The following PCDH9 variants were observed in gnomAD, a reference collection of about 807,000 sequenced individuals.
The protein encoded by PCDH9 is protocadherin-9.
PCDH9 carries 24 observed loss-of-function variants against 70.6 expected under a neutral mutation model. The ratio of observed to expected loss-of-function variants is 0.34; its 90% confidence interval spans 0.25 to 0.48. The LOEUF (loss-of-function observed/expected upper bound fraction) is 0.48. Ranked by LOEUF, PCDH9 falls within the 20% of genes least tolerant of loss-of-function variation. PCDH9 has a pLI of 0.99. For synonymous variants in PCDH9, 562 were observed against 558.5 expected, an observed-to-expected ratio of 1.01 and a Z score of -0.09; for missense variants, 1,281 against 1,503.6, an observed-to-expected ratio of 0.85 and a Z score of 2.45.
intron 3 of PCDH9, among the ~76,000 whole-genome samples, chr13:66,639,376 C>G (rs2077680447): frequency 6.6e-6 from 1 of 152,140 alleles, no homozygotes; most frequent in Admixed American, 6.6e-5. Flanking sequence ...AACTAAGGAT[C>G]TGTATTTTTT....
chr13:66,774,393 C>A (rs2079857565), intron 3 of PCDH9, among the ~76,000 whole-genome samples: 1 of 151,580 alleles, frequency 6.6e-6, no homozygotes, highest in African/African-American at 2.4e-5. Flanking sequence ...GGTTTACCAT[C>A]ATGCAGAAGA....
intron 4 of PCDH9, among the ~76,000 whole-genome samples, chr13:66,445,491 TACACATATATAATATATAC>T (rs1459217147): frequency 2.8e-5 from 4 of 143,794 alleles, no homozygotes; most frequent in East Asian, 2.0e-4. Flanking sequence ...ATAAAATATA[TACACATATATAATATATAC>T]ACACATATAT....
rs67681559 is a variant in PCDH9 at position 66,713,625 on chromosome 13, G to GTATATATATATATA, written c.3139-82228_3139-82215dup. Among the ~76,000 whole-genome samples, 184 of 109,918 alleles carry GTATATATATATATA rather than the reference G, an allele frequency of 1.7e-3. 3 individuals are homozygous for GTATATATATATATA. The East Asian group carries it at 0.018, about 11-fold the overall frequency. 72.1% of individuals were successfully genotyped at this position (109,918 alleles called of 152,430 possible). ...ATATATATATAAAGTGTGTGTGTGT[G>GTATATATATATATA]TATATATATATATATATATATATAT... On this transcript the variant is annotated intron_variant, in intron 3 of 4. Transcript: ENST00000377865.
chr13:67,123,841 G>A (rs139310600), intron 2 of PCDH9, among the ~76,000 whole-genome samples: 1 of 151,654 alleles, frequency 6.6e-6, no homozygotes, highest in Non-Finnish European at 1.5e-5. Flanking sequence ...TGTCACAGTA[G>A]ATTATGGAAA....
chr13:66,348,841 G>C (rs1956251741), intron 4 of PCDH9, among the ~76,000 whole-genome samples: 1 of 151,866 alleles, frequency 6.6e-6, no homozygotes, highest in South Asian at 2.1e-4. Context: ...TCAACAAATT[G>C]TATTTTATTT....
At chr13:66,979,392 C>T (rs2083691227) in intron 2 of PCDH9, among the ~76,000 whole-genome samples, 1 of 152,120 alleles carries the variant, frequency 6.6e-6, no homozygotes, top group Non-Finnish European at 1.5e-5. Flanking sequence ...CTACATGGTT[C>T]TGAATCTATT....
At chr13:67,113,794 G>T (rs773711016) in intron 2 of PCDH9, among the ~76,000 whole-genome samples, 3 of 152,036 alleles carry the variant, frequency 2.0e-5, no homozygotes, top group Non-Finnish European at 2.9e-5. Context: ...TGATCTGCCC[G>T]CCTCGGCCTC....
chr13:66,729,781 T>G (rs530445235), intron 3 of PCDH9, among the ~76,000 whole-genome samples: 2 of 152,290 alleles, frequency 1.3e-5, no homozygotes, highest in East Asian at 3.9e-4. Context: ...AGCTCCTCCA[T>G]GAAGCATTTC....
At position 66,362,901 on chromosome 13, in the gene PCDH9, C is replaced by A. The variant is rs141872351; in HGVS notation, c.3341-57873G>T. Among the ~76,000 whole-genome samples the A allele has an allele frequency of 4.2e-3, 637 of 152,264 alleles. 3 individuals are homozygous for A. Among genetic ancestry groups the A allele is most frequent in the African/African-American group, 0.015 (605 of 41,552 alleles). ...TCCTTCATTCATAAAGAAACACAGG[C>A]CAGGCACGGTGGCTCAGGCCTGTAA... On this transcript the variant is annotated intron_variant, in intron 4 of 4. Transcript: ENST00000377865.
At chr13:66,356,233 A>G (rs1956379700) in intron 4 of PCDH9, among the ~76,000 whole-genome samples, 1 of 152,154 alleles carries the variant, frequency 6.6e-6, no homozygotes, top group Non-Finnish European at 1.5e-5. Context: ...TACAGCTTTA[A>G]AATCATATAA....
intron 2 of PCDH9, among the ~76,000 whole-genome samples, chr13:67,070,122 A>G (rs1047684017): frequency 6.6e-6 from 1 of 151,476 alleles, no homozygotes; most frequent in South Asian, 2.1e-4. Flanking sequence ...TATTTTAAAT[A>G]AAATAGGGTT....
In PCDH9 at chr13:66,345,524, C is replaced by T. The variant is rs147397935; in HGVS notation, c.3341-40496G>A. Among the ~76,000 whole-genome samples, 21 of 152,266 alleles carry T rather than the reference C, an allele frequency of 1.4e-4. 1 individual carries two copies. Among genetic ancestry groups the T allele is most frequent in the Non-Finnish European group, 2.4e-4 (16 of 68,020 alleles). Reference sequence around the variant, plus strand: ...TCTCACACAAGGCCAATCTCCTGAACATTCAAAAGGGCCAGGCAACGAGGC... The same window carrying T: ...TCTCACACAAGGCCAATCTCCTGAATATTCAAAAGGGCCAGGCAACGAGGC... On this transcript the variant is annotated intron_variant, in intron 4 of 4. Transcript: ENST00000377865.
chr13:66,849,477 C>G (rs2081272450), intron 3 of PCDH9, among the ~76,000 whole-genome samples: 1 of 123,310 alleles, frequency 8.1e-6, no homozygotes, highest in Non-Finnish European at 1.6e-5. Flanking sequence ...CTATGACAAT[C>G]ATAGGTAGGT....
chr13:67,153,530 C>T (rs2087715980), intron 2 of PCDH9, among the ~76,000 whole-genome samples: 1 of 152,100 alleles, frequency 6.6e-6, no homozygotes, highest in African/African-American at 2.4e-5. Flanking sequence ...CTTGTTTAAA[C>T]ATATTTTCTG....
intron 2 of PCDH9, chr13:67,210,686 T>C (rs1457725387): frequency 6.6e-6 from 1 of 152,012 alleles, no homozygotes; most frequent in African/African-American, 2.4e-5. Context: ...ATTCTCAAGA[T>C]GCTAAGTGTA....
chr13:66,469,429 G>A (rs558040658), intron 4 of PCDH9, among the ~76,000 whole-genome samples: 2 of 149,714 alleles, frequency 1.3e-5, no homozygotes, highest in South Asian at 4.3e-4. Flanking sequence ...AGAGAGAAAG[G>A]AAGAAAGGAA....
At position 66,464,529 on chromosome 13, in the gene PCDH9, G is replaced by T. The variant is rs189205154; in HGVS notation, c.3341-159501C>A. On this transcript the variant is annotated intron_variant, in intron 4 of 4. Transcript: ENST00000377865. ...AGAGTTTATATAATTGACTTTACTGGAATTAGAAGACAGAGTACAGTGTGC... is the reference window on the plus strand; with the variant it reads ...AGAGTTTATATAATTGACTTTACTGTAATTAGAAGACAGAGTACAGTGTGC... 1.2e-4 allele frequency among the ~76,000 whole-genome samples: 18 copies of T among 152,012 alleles called. 1 individual carries two copies. The East Asian group carries it at 3.3e-3, about 28-fold the overall frequency.
chr13:66,321,823 T>C lies in PCDH9; in HGVS notation c.3341-16795A>G, dbSNP rs542115670. Among the ~76,000 whole-genome samples the C allele has an allele frequency of 1.1e-4, 17 of 152,112 alleles. No individual in the cohort carries two copies. The South Asian group carries it at 3.1e-3, about 28-fold the overall frequency. ...TTCAAGGTTGCTTGAAGTTTCTTCT[T>C]TGGATCTCACTGTGGAGTAGATGCT... On this transcript the variant is annotated intron_variant, in intron 4 of 4. Transcript: ENST00000377865.
chr13:66,824,141 A>T (rs910379711), intron 3 of PCDH9, among the ~76,000 whole-genome samples: 1 of 151,728 alleles, frequency 6.6e-6, no homozygotes. Flanking sequence ...AGAAAAATGG[A>T]ATCTCCTTTA....
Sources: gnomAD v4.1 joint callset for allele counts (sites outside exome capture counted in the v4.1 genomes callset) on GRCh38, gnomAD v4.1.1 for gene constraint, MANE v1.5 for transcripts, NCBI Gene and HGNC (gene_info 2026-07-23, HGNC 2026-07-21) for gene names.